The following SCRG1 variants were observed in gnomAD, a reference collection of about 807,000 sequenced individuals.
SCRG1 encodes stimulator of chondrogenesis 1.
In SCRG1, 3 loss-of-function variants were observed where a neutral mutation model predicts 7.7. The observed-to-expected ratio is 0.39, with a 90% CI of 0.18 to 1.01. The LOEUF is 1.01. SCRG1 is among the 50% of genes least tolerant of loss of function. The pLI is 0.36. For synonymous variants in SCRG1, 46 were observed against 41.2 expected (o/e 1.12, Z -0.44); for missense variants, 110 against 117.2 (o/e 0.94, Z 0.28).
At chr4:173,485,029 T>G in the SCRG1 span, among the ~76,000 whole-genome samples, 1 of 15,926 alleles carries the variant, frequency 6.3e-5, no homozygotes, top group South Asian at 2.7e-3. Flanking sequence ...ATATAATATA[T>G]TATATATTAT....
Position 173,387,887 on chromosome 4 carries a change from G to C in SCRG1, c.*454C>G, listed in dbSNP as rs1213607627. ...GCTAATTTTTTAATTTTTTTGTAAA[G>C]AGGGGGTCTCACTATGTTGCCCAGG... On this transcript the variant is annotated 3_prime_UTR_variant, in exon 3 of 3. Transcript: ENST00000296506. 1 of 151,702 alleles carries C rather than the reference G, an allele frequency of 6.6e-6. No homozygotes were observed. The highest frequency in any genetic ancestry group is 2.4e-5 in the African/African-American group (1 of 41,158). The allele number at this position is 151,702 out of a possible 1,614,324, so 9.4% of individuals were successfully genotyped here. A position where few individuals can be genotyped will look rare whatever the true frequency, so the allele number is the denominator to read the frequency against.
upstream of SCRG1, among the ~76,000 whole-genome samples, chr4:173,411,243 T>C (rs1219575024): frequency 6.6e-6 from 1 of 152,214 alleles, no homozygotes; most frequent in East Asian, 1.9e-4. Flanking sequence ...GATCTAACAC[T>C]GTCCTGGCAA....
At chr4:173,444,834 A>G in the SCRG1 span, among the ~76,000 whole-genome samples, 313 of 152,318 alleles carry the variant, frequency 2.1e-3, 1 homozygote, top group African/African-American at 7.2e-3. Flanking sequence ...ATCTCCGAGA[A>G]GAGAGAGACC....
At chr4:173,472,816 T>A in the SCRG1 span, among the ~76,000 whole-genome samples, 1 of 152,194 alleles carries the variant, frequency 6.6e-6, no homozygotes, top group South Asian at 2.1e-4. Flanking sequence ...CCCAGGGTAA[T>A]GTTTGACCAA....
At chr4:173,503,164 C>T in the SCRG1 span, among the ~76,000 whole-genome samples, 1 of 152,180 alleles carries the variant, frequency 6.6e-6, no homozygotes, top group East Asian at 1.9e-4. This position sits in a 1 kb window ranked among gnomAD's most constrained non-coding sequence, Gnocchi z 6.4. Flanking sequence ...CAGCTTGACC[C>T]TGTGTCGTTC....
At chr4:173,391,490 A>C in intron 1 of SCRG1, 62 bp from the exon 2 acceptor site, 1 of 1,543,190 alleles carries the variant, frequency 6.5e-7, no homozygotes, top group Admixed American at 1.7e-5. Context: ...AATTCATCTG[A>C]ATGAAGTTCT....
At chr4:173,456,702 C>T in the SCRG1 span, among the ~76,000 whole-genome samples, 1 of 152,060 alleles carries the variant, frequency 6.6e-6, no homozygotes, top group African/African-American at 2.4e-5. Context: ...TATTGAACTA[C>T]TGAGAATATG....
the SCRG1 span, among the ~76,000 whole-genome samples, chr4:173,484,683 T>TATATTATATATTATATACATATAATAC: frequency 2.0e-5 from 1 of 50,066 alleles, no homozygotes; most frequent in Non-Finnish European, 3.8e-5. Context: ...ATGTATAATA[T>TATATTATATATTATATACATATAATAC]ATATTATATA....
chr4:173,470,120 C>CTTTTTTTTTTTTT, the SCRG1 span: 2 of 89,974 alleles, frequency 2.2e-5, no homozygotes, highest in African/African-American at 4.2e-5. Context: ...CTCCCTCTTT[C>CTTTTTTTTTTTTT]TTTTTTTTTT....
At chr4:173,471,974 G>T in the SCRG1 span, among the ~76,000 whole-genome samples, 1 of 152,310 alleles carries the variant, frequency 6.6e-6, no homozygotes, top group African/African-American at 2.4e-5. Flanking sequence ...CTCCCAAAGT[G>T]CTGGGATTAC....
At chr4:173,485,016 A>G in the SCRG1 span, among the ~76,000 whole-genome samples, 1 of 28,788 alleles carries the variant, frequency 3.5e-5, no homozygotes, top group East Asian at 3.5e-3. Context: ...TATAATATAT[A>G]ATATATAATA....
chr4:173,437,692 T>A, the SCRG1 span, among the ~76,000 whole-genome samples: 1 of 152,236 alleles, frequency 6.6e-6, no homozygotes. Flanking sequence ...CTGATCTTGT[T>A]TGAGTTCATA....
upstream of SCRG1, chr4:173,406,406 A>C (rs1441125812): frequency 2.0e-5 from 3 of 152,204 alleles, no homozygotes; most frequent in Non-Finnish European, 4.4e-5. Flanking sequence ...TGTTTCATAC[A>C]TGAGTAATAA....
chr4:173,511,081 C>T, the SCRG1 span, among the ~76,000 whole-genome samples: 3 of 152,174 alleles, frequency 2.0e-5, no homozygotes, highest in Non-Finnish European at 2.9e-5. The surrounding 1 kb of genome is among the most constrained non-coding windows in gnomAD (Gnocchi z 5.2). Flanking sequence ...ATTCTCCTAC[C>T]TCAGCCTCTG....
At chr4:173,493,715 A>G in the SCRG1 span, among the ~76,000 whole-genome samples, 1 of 151,874 alleles carries the variant, frequency 6.6e-6, no homozygotes, top group Non-Finnish European at 1.5e-5. Flanking sequence ...CTTTCATTTC[A>G]GTAAAAATCT....
At chr4:173,484,390 ATACAT>A in the SCRG1 span, among the ~76,000 whole-genome samples, 3 of 47,842 alleles carry the variant, frequency 6.3e-5, no homozygotes, top group African/African-American at 7.6e-5. Flanking sequence ...TGTATATTTT[ATACAT>A]TATATATTAT....
At chr4:173,462,474 C>T in the SCRG1 span, among the ~76,000 whole-genome samples, 3 of 152,046 alleles carry the variant, frequency 2.0e-5, no homozygotes, top group Admixed American at 1.3e-4. Flanking sequence ...ATCCTTCAAA[C>T]GTGAAGGAGA....
At chr4:173,487,394 A>C in the SCRG1 span, among the ~76,000 whole-genome samples, 3 of 152,204 alleles carry the variant, frequency 2.0e-5, no homozygotes, top group Non-Finnish European at 4.4e-5. Flanking sequence ...ATTAATCTCA[A>C]CACAGCTCTA....
At chr4:173,413,268 C>A in the SCRG1 span, among the ~76,000 whole-genome samples, 1 of 152,194 alleles carries the variant, frequency 6.6e-6, no homozygotes, top group Non-Finnish European at 1.5e-5. Flanking sequence ...AAGCAGATGG[C>A]CCACCTAAGG....
Sources: allele counts gnomAD v4.1 joint callset (sites outside exome capture counted in the v4.1 genomes callset), GRCh38; gene constraint gnomAD v4.1.1; non-coding constraint Gnocchi (gnomAD v3.1); transcripts MANE v1.5; gene names NCBI Gene and HGNC (gene_info 2026-07-23, HGNC 2026-07-21).